Variants in MMP20 observed in about 807,000 individuals in gnomAD.
MMP20 encodes matrix metallopeptidase 20.
MMP20 carries 50 observed loss-of-function variants against 51.8 expected under a neutral mutation model. The ratio of observed to expected loss-of-function variants is 0.97; its 90% confidence interval spans 0.77 to 1.22. The LOEUF (loss-of-function observed/expected upper bound fraction) is 1.22, where lower values mean the gene tolerates loss of function less well. MMP20 is among the 50% of genes most tolerant of loss of function. MMP20 has a pLI of 0.00. For synonymous variants in MMP20, 244 were observed against 216.2 expected, an observed-to-expected ratio of 1.13 and a Z score of -1.13; for missense variants, 663 against 601.4, an observed-to-expected ratio of 1.10 and a Z score of -1.07.
intron 5 of MMP20, 81 bp from the exon 6 acceptor site, chr11:102,606,757 T>C (rs1179486724): frequency 3.9e-6 from 6 of 1,520,272 alleles, no homozygotes; most frequent in Non-Finnish European, 5.5e-6. Flanking sequence ...CCAGGGGAGG[T>C]TGTACACTTT....
chr11:102,585,747 G>T (rs1859247728), intron 8 of MMP20, among the ~76,000 whole-genome samples: 1 of 152,170 alleles, frequency 6.6e-6, no homozygotes, highest in Non-Finnish European at 1.5e-5. Flanking sequence ...TTTCATAGAC[G>T]CTCTTTATTG....
At chr11:102,594,353 C>A (rs888496540) in intron 7 of MMP20, among the ~76,000 whole-genome samples, 3 of 152,178 alleles carry the variant, frequency 2.0e-5, no homozygotes, top group African/African-American at 7.2e-5. Context: ...TGGCAGGGAC[C>A]ATGTTTCTAG....
At chr11:102,586,923 ATTGT>A (rs1429261395) in intron 8 of MMP20, among the ~76,000 whole-genome samples, 2 of 151,992 alleles carry the variant, frequency 1.3e-5, no homozygotes, top group African/African-American at 4.8e-5. Flanking sequence ...GTTTTCTCAA[ATTGT>A]TTATTTATCA....
intron 8 of MMP20, among the ~76,000 whole-genome samples, chr11:102,585,260 T>C (rs1859241889): frequency 6.6e-6 from 1 of 152,142 alleles, no homozygotes; most frequent in Non-Finnish European, 1.5e-5. Flanking sequence ...CATTTAGATC[T>C]TGCTTAATTT....
At chr11:102,599,011 TC>T (rs1293724318) in intron 6 of MMP20, among the ~76,000 whole-genome samples, 1 of 94,132 alleles carries the variant, frequency 1.1e-5, no homozygotes, top group East Asian at 3.8e-4. Context: ...CTTTCTTCTA[TC>T]TTTTTTTTTT....
chr11:102,593,641 G>A, intron 7 of MMP20, 46 bp from the exon 8 acceptor site: 1 of 1,601,976 alleles, frequency 6.2e-7, no homozygotes, highest in African/African-American at 1.3e-5. Context: ...ACCACTTGGT[G>A]ATGCACTTCT....
chr11:102,625,136 C>A, intron 1 of MMP20, 58 bp downstream of exon 1: 2 of 1,605,720 alleles, frequency 1.2e-6, no homozygotes, highest in East Asian at 4.5e-5. Context: ...TCTCACTATG[C>A]CCTTTTAGGT....
intron 8 of MMP20, among the ~76,000 whole-genome samples, chr11:102,582,266 T>C (rs1289331841): frequency 2.6e-5 from 4 of 152,162 alleles, no homozygotes; most frequent in Non-Finnish European, 5.9e-5. Flanking sequence ...TTCAGTCACA[T>C]GTCAAGGGCA....
At chr11:102,607,636 C>CA (rs1555078177) in intron 5 of MMP20, 1 of 151,788 alleles carries the variant, frequency 6.6e-6, no homozygotes, top group Non-Finnish European at 1.5e-5. Flanking sequence ...GGCAAGCGAT[C>CA]GGGTGGGTGA....
intron 2 of MMP20, among the ~76,000 whole-genome samples, chr11:102,614,414 G>T (rs1404283727): frequency 1.3e-5 from 2 of 152,104 alleles, no homozygotes; most frequent in Admixed American, 6.5e-5. Context: ...TTTTAAGACT[G>T]CCCAGCTTAT....
Position 102,613,370 on chromosome 11 carries a change from T to TTC in MMP20, c.375-1469_375-1468dup, listed in dbSNP as rs370707767. Among the ~76,000 whole-genome samples the TTC allele has an allele frequency of 6.0e-5, 9 of 151,038 alleles. No individual in the cohort carries two copies. The South Asian group carries it at 1.0e-3, about 18-fold the overall frequency. ...CCCATGAGCAGGGACCGGCCCTGCT[T>TTC]TCTCTCTCTCTCTCTAGCTCCTAGT... On this transcript the variant is annotated intron_variant, in intron 2 of 9. Transcript: ENST00000260228.
intron 8 of MMP20, among the ~76,000 whole-genome samples, chr11:102,590,698 T>C (rs149111529): frequency 1.4e-3 from 220 of 152,350 alleles, no homozygotes; most frequent in African/African-American, 5.1e-3. Flanking sequence ...TTTCAGTGGA[T>C]GTCAATGTAG....
intron 4 of MMP20, among the ~76,000 whole-genome samples, chr11:102,609,402 A>G (rs1019122403): frequency 3.3e-5 from 5 of 152,196 alleles, no homozygotes; most frequent in African/African-American, 9.6e-5. Flanking sequence ...TGGCAATGCT[A>G]TTTGGCAATA....
At chr11:102,605,191 A>G (rs562118306) in intron 6 of MMP20, 38 of 152,354 alleles carry the variant, frequency 2.5e-4, no homozygotes, top group Non-Finnish European at 4.7e-4. Flanking sequence ...GAGAGCTCAC[A>G]GCAAGATGGC....
chr11:102,617,447 A>G (rs1032420151), intron 1 of MMP20, among the ~76,000 whole-genome samples: 1 of 152,218 alleles, frequency 6.6e-6, no homozygotes, highest in African/African-American at 2.4e-5. Flanking sequence ...TCTTTACCCA[A>G]TTTGCAAAAC....
Position 102,612,446 on chromosome 11 carries a change from C to T in MMP20, c.375-543G>A, listed in dbSNP as rs554851554. ...GGCGACTGCACTCCAGCCTGGGTGA[C>T]ACAGTGAGACTTCACTCAAAAATAA... On this transcript the variant is annotated intron_variant, in intron 2 of 9. Transcript: ENST00000260228. Among the ~76,000 whole-genome samples, 4 of 152,294 alleles carry T rather than the reference C, an allele frequency of 2.6e-5. No homozygotes were observed. The East Asian group carries it at 7.7e-4, about 29-fold the overall frequency.
intron 8 of MMP20, among the ~76,000 whole-genome samples, chr11:102,587,857 T>C (rs1591610098): frequency 6.6e-6 from 1 of 152,184 alleles, no homozygotes; most frequent in East Asian, 1.9e-4. Flanking sequence ...GTATCTGCTG[T>C]AGACAGCATA....
At chr11:102,620,194 T>C (rs1467321170) in intron 1 of MMP20, among the ~76,000 whole-genome samples, 1 of 152,214 alleles carries the variant, frequency 6.6e-6, no homozygotes, top group African/African-American at 2.4e-5. Flanking sequence ...AGATGCTCAG[T>C]TAATGTTTGA....
At position 102,577,295 on chromosome 11, in the gene MMP20, C is replaced by T. The variant is rs200195120; in HGVS notation, c.*31G>A. The T allele has an allele frequency of 1.4e-6, 2 of 1,460,034 alleles. No individual in the cohort carries two copies. Among genetic ancestry groups the T allele is most frequent in the Admixed American group, 1.7e-5 (1 of 59,792 alleles). 90.4% of individuals were successfully genotyped at this position (1,460,034 alleles called of 1,614,324 possible). ...CAGTTAGAGGCTGCTTGTAGTCATCCTCATTGCTTGAGAAGACTAGGCTTT... is the reference window on the plus strand; with the variant it reads ...CAGTTAGAGGCTGCTTGTAGTCATCTTCATTGCTTGAGAAGACTAGGCTTT... On this transcript the variant is annotated 3_prime_UTR_variant, in exon 10 of 10. Coordinates refer to ENST00000260228, the MANE Select transcript of MMP20 (RefSeq NM_004771.4).
Sources: gnomAD v4.1 joint callset for allele counts (sites outside exome capture counted in the v4.1 genomes callset) on GRCh38, gnomAD v4.1.1 for gene constraint, MANE v1.5 for transcripts, NCBI Gene and HGNC (gene_info 2026-07-23, HGNC 2026-07-21) for gene names.